THSD7B: variants seen among roughly 807,000 people sequenced by gnomAD.
THSD7B encodes the protein thrombospondin type 1 domain containing 7B.
A neutral mutation model predicts 213.6 loss-of-function variants in THSD7B; 138 were observed. The ratio of observed to expected loss-of-function variants is 0.65; its 90% CI spans 0.56 to 0.74. The LOEUF (loss-of-function observed/expected upper bound fraction) is 0.74. Ranked by LOEUF, THSD7B falls within the 30% of genes least tolerant of loss-of-function variation. THSD7B has a pLI of 0.00. For missense variants in THSD7B, 1,931 were observed against 1,991.5 expected (o/e 0.97, Z 0.58); for synonymous variants, 742 against 687.0 (o/e 1.08, Z -1.25).
chr2:136,799,471 C>G (rs1413392642), intron 1 of THSD7B, among the ~76,000 whole-genome samples: 1 of 152,096 alleles, frequency 6.6e-6, no homozygotes, highest in South Asian at 2.1e-4. Context: ...ATCAAATCCA[C>G]TAACCTGCAT....
intron 10 of THSD7B, among the ~76,000 whole-genome samples, chr2:137,271,512 A>G (rs916089277): frequency 2.0e-5 from 3 of 147,282 alleles, no homozygotes; most frequent in Non-Finnish European, 4.5e-5. Flanking sequence ...TCATATATAT[A>G]TGATTTTTTT....
intron 2 of THSD7B, among the ~76,000 whole-genome samples, chr2:136,986,388 C>G (rs932444793): frequency 6.6e-6 from 1 of 152,160 alleles, no homozygotes; most frequent in African/African-American, 2.4e-5. Context: ...GGACCACCCC[C>G]TCCTCACTTT....
intron 7 of THSD7B, among the ~76,000 whole-genome samples, chr2:137,174,825 T>G (rs186833339): frequency 1.3e-5 from 2 of 152,332 alleles, no homozygotes; most frequent in East Asian, 3.9e-4. Flanking sequence ...GAGCGTTGAA[T>G]ATGCATAGGT....
In THSD7B at chr2:137,056,830, G is replaced by C. The variant is rs767486990; in HGVS notation, c.550G>C (p.Glu184Gln). 6.2e-7 allele frequency: 1 copy of C among 1,613,952 alleles called. No individual in the cohort carries two copies. Among genetic ancestry groups the C allele is most frequent in the Non-Finnish European group, 8.5e-7 (1 of 1,179,882 alleles). ...TTGTCCCCGGGATTGTGTAGTATCT[G>C]AGTTCTTACCATGGTCCAACTGTAG... ...IPCPRDCVVS[E>Q]FLPWSNCSKG... is the part of the protein sequence containing the mutation. The change falls in exon 3 of 28, where the codon GAG becomes CAG. Residue 184 changes from glutamate (E) to glutamine (Q), a missense_variant. Transcript: ENST00000409968.
chr2:137,194,266 G>A (rs1283138321), intron 7 of THSD7B, among the ~76,000 whole-genome samples: 4 of 152,136 alleles, frequency 2.6e-5, no homozygotes, highest in Admixed American at 6.5e-5. Context: ...GGGAAAAGGG[G>A]CGTGCTGTAG....
intron 14 of THSD7B, among the ~76,000 whole-genome samples, chr2:137,445,350 C>A (rs72979657): frequency 0.15 from 22,948 of 151,824 alleles, 2,741 homozygotes; most frequent in African/African-American, 0.33. Context: ...ATATGGAATC[C>A]ACCTAAGTGC....
intron 7 of THSD7B, among the ~76,000 whole-genome samples, chr2:137,182,594 C>T (rs540464889): frequency 2.0e-5 from 3 of 152,220 alleles, no homozygotes; most frequent in South Asian, 4.2e-4. Context: ...TATGAGAATC[C>T]GTAGGAGTAA....
intron 17 of THSD7B, among the ~76,000 whole-genome samples, chr2:137,600,892 G>A (rs1411977415): frequency 2.0e-5 from 3 of 152,150 alleles, no homozygotes; most frequent in Admixed American, 1.3e-4. Flanking sequence ...AGACAGGGAG[G>A]TGGAAGACAG....
intron 15 of THSD7B, among the ~76,000 whole-genome samples, chr2:137,516,305 C>G (rs971325348): frequency 1.3e-5 from 2 of 152,238 alleles, no homozygotes; most frequent in African/African-American, 4.8e-5. Flanking sequence ...CAGAGAATCA[C>G]TGATCCTCAA....
chr2:136,861,611 A>C (rs540872430), intron 1 of THSD7B, among the ~76,000 whole-genome samples: 1 of 152,328 alleles, frequency 6.6e-6, no homozygotes, highest in South Asian at 2.1e-4. Context: ...ATCCACCAGC[A>C]GAATAATCAA....
At chr2:137,096,594 A>G (rs1422586865) in intron 4 of THSD7B, among the ~76,000 whole-genome samples, 1 of 152,172 alleles carries the variant, frequency 6.6e-6, no homozygotes, top group East Asian at 1.9e-4. Flanking sequence ...TTTTTACCAC[A>G]AACTCTCAGC....
chr2:136,930,685 A>G (rs1684612922), intron 2 of THSD7B, among the ~76,000 whole-genome samples: 1 of 152,194 alleles, frequency 6.6e-6, no homozygotes, highest in Admixed American at 6.6e-5. Context: ...TAAAGAGTAA[A>G]GAGTCCAAGA....
At chr2:137,154,106 A>G (rs1373522913) in intron 5 of THSD7B, among the ~76,000 whole-genome samples, 1 of 152,132 alleles carries the variant, frequency 6.6e-6, no homozygotes, top group East Asian at 1.9e-4. Flanking sequence ...TGAAGATAGA[A>G]TGTTTTATTT....
intron 2 of THSD7B, among the ~76,000 whole-genome samples, chr2:136,991,315 T>C (rs577320080): frequency 2.0e-5 from 3 of 152,166 alleles, no homozygotes; most frequent in Non-Finnish European, 4.4e-5. Context: ...GGTAAAAAAA[T>C]GCTTTGGTCA....
At chr2:136,771,290 G>A (rs1249165587) in intron 1 of THSD7B, among the ~76,000 whole-genome samples, 2 of 152,126 alleles carry the variant, frequency 1.3e-5, no homozygotes, top group Non-Finnish European at 2.9e-5. Context: ...GGCAAGGGAT[G>A]TTAATGACTT....
intron 2 of THSD7B, among the ~76,000 whole-genome samples, chr2:136,887,654 G>A (rs1262966250): frequency 6.6e-6 from 1 of 151,930 alleles, no homozygotes; most frequent in Non-Finnish European, 1.5e-5. Flanking sequence ...AGCTTCCTGA[G>A]GTCTCACCAG....
At chr2:137,319,239 G>A (rs1176063375) in intron 12 of THSD7B, among the ~76,000 whole-genome samples, 4 of 116,948 alleles carry the variant, frequency 3.4e-5, no homozygotes, top group Non-Finnish European at 7.2e-5. Context: ...TTTTTTTTTT[G>A]AAGGACATGT....
At chr2:137,659,184 C>A (rs994215253) in intron 24 of THSD7B, among the ~76,000 whole-genome samples, 8 of 152,156 alleles carry the variant, frequency 5.3e-5, no homozygotes, top group Non-Finnish European at 1.0e-4. Context: ...ATACTACCAA[C>A]ATATTTGATA....
intron 12 of THSD7B, among the ~76,000 whole-genome samples, chr2:137,283,511 T>G (rs1346095598): frequency 2.0e-5 from 3 of 152,164 alleles, no homozygotes; most frequent in Admixed American, 1.3e-4. Flanking sequence ...TTTTTGTCCA[T>G]TCAGTATGAT....
Sources: gnomAD v4.1 joint callset for allele counts (sites outside exome capture counted in the v4.1 genomes callset) on GRCh38, gnomAD v4.1.1 for gene constraint, MANE v1.5 for transcripts, NCBI Gene and HGNC (gene_info 2026-07-23, HGNC 2026-07-21) for gene names.